The following FCAR variants were observed in gnomAD, a reference collection of about 807,000 sequenced individuals.
The protein encoded by FCAR is Fc alpha receptor.
Under a neutral mutation model 27.1 loss-of-function variants are expected in FCAR, and 21 were observed. The ratio of observed to expected loss-of-function variants is 0.77; its 90% CI spans 0.55 to 1.11. The LOEUF (loss-of-function observed/expected upper bound fraction) is 1.11. Among genes scored for constraint, FCAR ranks in the 50% most tolerant of loss-of-function variants. The pLI is 0.00. For missense variants in FCAR, 404 were observed against 358.4 expected, an observed-to-expected ratio of 1.13 and a Z score of -1.03; for synonymous variants, 134 against 135.8, an observed-to-expected ratio of 0.99 and a Z score of 0.09.
At chr19:54,884,279 G>T (rs889937280) in intron 2 of FCAR, among the ~76,000 whole-genome samples, 27 of 152,196 alleles carry the variant, frequency 1.8e-4, no homozygotes, top group African/African-American at 6.5e-4. Flanking sequence ...AACGGCACCC[G>T]ACTGCTCTGG....
intron 1 of FCAR, among the ~76,000 whole-genome samples, chr19:54,874,970 A>G (rs1419448188): frequency 6.6e-6 from 1 of 152,078 alleles, no homozygotes; most frequent in Non-Finnish European, 1.5e-5. Context: ...GGAGATCAAA[A>G]CCATCCTGGC....
At position 54,877,249 on chromosome 19, in the gene FCAR, G is replaced by A. The variant is rs995698757; in HGVS notation, c.70+1884G>A. On this transcript the variant is annotated intron_variant, in intron 2 of 4. Coordinates refer to ENST00000355524, the MANE Select transcript of FCAR (RefSeq NM_002000.4). ...GGTACTGGGCTTTTTCTGGTCTGTA[G>A]GATTTTTATTACTGATTCAATTTTG... Among the ~76,000 whole-genome samples the A allele has an allele frequency of 3.2e-4, 48 of 152,060 alleles. 1 individual carries two copies. Among genetic ancestry groups the A allele is most frequent in the African/African-American group, 9.4e-4 (39 of 41,416 alleles).
rs587628693 is a variant in FCAR at position 54,876,506 on chromosome 19, A to G, written c.70+1141A>G. Among the ~76,000 whole-genome samples, 9 of 152,274 alleles carry G rather than the reference A, an allele frequency of 5.9e-5. No homozygotes were observed. The South Asian group carries it at 1.0e-3, about 18-fold the overall frequency. On this transcript the variant is annotated intron_variant, in intron 2 of 4. Transcript: ENST00000355524. Reference sequence around the variant, plus strand: ...TATTATTTTGAAATATGTTTCTTCAATGCCTAGTTTGTCGAGGTTTTTTAG... The same window carrying G: ...TATTATTTTGAAATATGTTTCTTCAGTGCCTAGTTTGTCGAGGTTTTTTAG...
In FCAR at chr19:54,891,184, C is replaced by G. The variant is rs975339743; in HGVS notation, c.*1321C>G. On this transcript the variant is annotated 3_prime_UTR_variant, in exon 5 of 5. Transcript: ENST00000355524. Reference sequence around the variant, plus strand: ...ACAGCTTTACCCTTGACAGACTTTACTCAAGGAAATCTAAGTTGGTCATAT... The same window carrying G: ...ACAGCTTTACCCTTGACAGACTTTAGTCAAGGAAATCTAAGTTGGTCATAT... The G allele has an allele frequency of 6.6e-6, 1 of 152,148 alleles. No homozygotes were observed. The highest frequency in any genetic ancestry group is 1.5e-5 in the Non-Finnish European group (1 of 68,014). 9.4% of individuals were successfully genotyped at this position (152,148 alleles called of 1,614,324 possible).
At position 54,890,090 on chromosome 19, in the gene FCAR, A is replaced by G. The variant is rs112638842; in HGVS notation, c.*227A>G. 0.064 allele frequency: 36,974 copies of G among 580,912 alleles called. 1,463 individuals carry two copies. Among genetic ancestry groups the G allele is most frequent in the African/African-American group, 0.11 (5,918 of 53,456 alleles). The allele number at this position is 580,912 out of a possible 1,614,324, so 36.0% of individuals were successfully genotyped here. A position where few individuals can be genotyped will look rare whatever the true frequency, so the allele number is the denominator to read the frequency against. ...TGCCTCAGCCTCCCAAGTAGCTGGA[A>G]TTACAGGCACATACCACTGCACCCA... On this transcript the variant is annotated 3_prime_UTR_variant, in exon 5 of 5. Coordinates refer to ENST00000355524, the MANE Select transcript of FCAR (RefSeq NM_002000.4).
At chr19:54,887,844 G>A (rs587738186) in intron 3 of FCAR, among the ~76,000 whole-genome samples, 163 bp from the exon 4 acceptor site, 1 of 152,184 alleles carries the variant, frequency 6.6e-6, no homozygotes, top group East Asian at 1.9e-4. Context: ...TTGAACCCGG[G>A]AGACGGAGGT....
intron 2 of FCAR, among the ~76,000 whole-genome samples, chr19:54,878,874 CTTTTTT>C (rs57952503): frequency 9.9e-4 from 75 of 76,084 alleles, no homozygotes; most frequent in East Asian, 2.2e-3. Flanking sequence ...TTGAGTCTTG[CTTTTTT>C]TTTTTTTTTT....
Position 54,884,334 on chromosome 19 carries a change from C to T in FCAR, c.71-901C>T, listed in dbSNP as rs587602778. On this transcript the variant is annotated intron_variant, in intron 2 of 4. Transcript: ENST00000355524. The stretch of plus-strand genomic sequence containing the variant: ...CCCCCTGGCTTCAGTGTTGCCTCTG[C>T]AAAAACCCCAGTTGCAGCCAGGTGC... 1.6e-3 allele frequency among the ~76,000 whole-genome samples: 248 copies of T among 152,240 alleles called. 1 individual carries two copies. Among genetic ancestry groups the T allele is most frequent in the Middle Eastern group, 3.4e-3 (1 of 294 alleles).
chr19:54,875,044 G>A (rs1031697969), intron 1 of FCAR, among the ~76,000 whole-genome samples: 15 of 151,998 alleles, frequency 9.9e-5, no homozygotes, highest in South Asian at 4.2e-4. Context: ...GGTGGCGGGC[G>A]CCTGTAGTCC....
chr19:54,877,828 C>A (rs2066179187), intron 2 of FCAR, among the ~76,000 whole-genome samples: 1 of 152,062 alleles, frequency 6.6e-6, no homozygotes, highest in African/African-American at 2.4e-5. Context: ...AATTTCCATG[C>A]ATTGTACAGT....
In FCAR at chr19:54,889,666, T is replaced by A. The variant is rs867323240; in HGVS notation, c.667T>A (p.Tyr223Asn). Residue 223 changes from tyrosine (Y) to asparagine (N), a missense_variant, in exon 5 of 5, where the codon TAC (tyrosine) becomes AAC (asparagine). Tyr to Asn is a moderately radical substitution (Grantham distance 143). Coordinates refer to ENST00000355524, the MANE Select transcript of FCAR (RefSeq NM_002000.4). ...LVVTDSIHQD[Y>N]TTQNLIRMAV... ...GTCTCCAGACTCCATCCACCAAGAT[T>A]ACACGACGCAGAACTTGATCCGCAT... 1.1e-5 allele frequency: 18 copies of A among 1,613,944 alleles called. No individual in the cohort carries two copies. The highest frequency in any genetic ancestry group is 1.0e-4 in the Admixed American group (6 of 59,998).
intron 2 of FCAR, among the ~76,000 whole-genome samples, chr19:54,878,717 C>T (rs1277207672): frequency 1.4e-5 from 2 of 141,766 alleles, no homozygotes; most frequent in African/African-American, 2.7e-5. Flanking sequence ...GGTATAAAGT[C>T]TGTTTTGTCT....
intron 1 of FCAR, among the ~76,000 whole-genome samples, chr19:54,874,796 G>T (rs2065998950): frequency 6.6e-6 from 1 of 152,148 alleles, no homozygotes; most frequent in African/African-American, 2.4e-5. Context: ...TTTGTTATCA[G>T]GATAATGTTG....
intron 2 of FCAR, among the ~76,000 whole-genome samples, chr19:54,879,143 C>T (rs1355026574): frequency 6.6e-6 from 1 of 152,042 alleles, no homozygotes; most frequent in East Asian, 1.9e-4. Context: ...TCCCAAAGTG[C>T]CAGGGTTACA....
intron 2 of FCAR, among the ~76,000 whole-genome samples, chr19:54,882,850 C>T (rs185109234): frequency 1.3e-4 from 20 of 152,252 alleles, no homozygotes; most frequent in African/African-American, 4.8e-5. Flanking sequence ...CAGGACTCTG[C>T]ACAGGATCTT....
chr19:54,875,423 A>G (rs2066041083), intron 2 of FCAR, 58 bp downstream of exon 2: 2 of 1,422,072 alleles, frequency 1.4e-6, no homozygotes, highest in Admixed American at 3.7e-5. Flanking sequence ...GCTCTAGGAT[A>G]AAGAAATTGA....
rs2066909556 is a variant in FCAR, at chr19:54,888,963, G to A, written c.649+669G>A. ...TGAGCCTGTCGTCCCAGCTACTCAG[G>A]AGGCTGAGGCAGGAGAATCACTTGA... On this transcript the variant is annotated intron_variant, in intron 4 of 4. Coordinates refer to ENST00000355524, the MANE Select transcript of FCAR (RefSeq NM_002000.4). The A allele has an allele frequency of 4.3e-6, 4 of 937,578 alleles. No homozygotes were observed. The South Asian group carries it at 2.0e-4, about 46-fold the overall frequency. The allele number at this position is 937,578 out of a possible 1,614,324, so 58.1% of individuals were successfully genotyped here. A position where few individuals can be genotyped will look rare whatever the true frequency, so the allele number is the denominator to read the frequency against.
intron 3 of FCAR, among the ~76,000 whole-genome samples, chr19:54,886,312 T>A (rs1415786383): frequency 7.2e-6 from 1 of 138,242 alleles, no homozygotes; most frequent in African/African-American, 2.7e-5. Context: ...TTTTTTTTTT[T>A]TTTTTTTTTT....
chr19:54,889,371 CAAAA>C (rs764886901), intron 4 of FCAR, among the ~76,000 whole-genome samples: 5 of 77,634 alleles, frequency 6.4e-5, no homozygotes, highest in Admixed American at 1.5e-4. Context: ...GACTCCATCT[CAAAA>C]AAAAAAAAAA....
Sources: gnomAD v4.1 joint callset for allele counts (sites outside exome capture counted in the v4.1 genomes callset) on GRCh38, gnomAD v4.1.1 for gene constraint, MANE v1.5 for transcripts, NCBI Gene and HGNC (gene_info 2026-07-23, HGNC 2026-07-21) for gene names.